Variants in PXDNL observed in about 807,000 individuals in gnomAD.
The protein encoded by PXDNL is peroxidasin like, also known as probable oxidoreductase PXDNL.
In PXDNL, 145 loss-of-function variants were observed where a neutral mutation model predicts 150.8. That is an observed-to-expected ratio of 0.96 (90% CI 0.84 to 1.10). The LOEUF is 1.10. PXDNL is among the 50% of genes least tolerant of loss of function. The probability of loss-of-function intolerance (pLI) is 0.00; values close to 1 mark genes in which losing one functional copy is unlikely to be tolerated. For missense variants in PXDNL, 2,087 were observed against 1,873.9 expected (o/e 1.11, Z -2.10); for synonymous variants, 757 against 725.7 (o/e 1.04, Z -0.69).
At chr8:51,442,724 A>G (rs1043518509) in intron 12 of PXDNL, among the ~76,000 whole-genome samples, 1 of 152,024 alleles carries the variant, frequency 6.6e-6, no homozygotes, top group Non-Finnish European at 1.5e-5. Flanking sequence ...AATACCACTA[A>G]TGTTTTTAAT....
At chr8:51,502,208 G>A (rs1811200329) in intron 4 of PXDNL, among the ~76,000 whole-genome samples, 1 of 152,210 alleles carries the variant, frequency 6.6e-6, no homozygotes. Flanking sequence ...GTGGTACAGA[G>A]ATAAAGTAAT....
intron 1 of PXDNL, among the ~76,000 whole-genome samples, chr8:51,671,195 A>G (rs188102057): frequency 6.6e-6 from 1 of 152,336 alleles, no homozygotes; most frequent in East Asian, 1.9e-4. Flanking sequence ...CTTATTTGGA[A>G]GAGATCGACA....
At chr8:51,430,515 G>A (rs1053639374) in intron 12 of PXDNL, among the ~76,000 whole-genome samples, 1 of 152,188 alleles carries the variant, frequency 6.6e-6, no homozygotes, top group African/African-American at 2.4e-5. Context: ...TCAGAACTCA[G>A]CAAGTTTGAA....
intron 2 of PXDNL, among the ~76,000 whole-genome samples, chr8:51,599,663 C>A (rs145324468): frequency 0.049 from 7,034 of 144,332 alleles, 265 homozygotes; most frequent in Non-Finnish European, 0.078. Flanking sequence ...TAAATTATAT[C>A]TTATATAAAT....
intron 17 of PXDNL, among the ~76,000 whole-genome samples, chr8:51,399,821 T>C (rs1211398850): frequency 6.6e-6 from 1 of 152,250 alleles, no homozygotes; most frequent in East Asian, 1.9e-4. Flanking sequence ...TTCAGATGTA[T>C]ACTCTGGTGG....
chr8:51,707,885 G>A (rs771394768), intron 1 of PXDNL, among the ~76,000 whole-genome samples: 14 of 151,976 alleles, frequency 9.2e-5, no homozygotes, highest in Admixed American at 2.0e-4. Flanking sequence ...AATAGTCCAC[G>A]TGTGTGTGTG....
chr8:51,460,509 T>G (rs750294657), intron 8 of PXDNL, among the ~76,000 whole-genome samples: 1 of 141,274 alleles, frequency 7.1e-6, no homozygotes, highest in African/African-American at 2.7e-5. Context: ...CCATCACACT[T>G]TAAACAGATC....
chr8:51,371,108 C>G (rs1439950164), intron 19 of PXDNL, among the ~76,000 whole-genome samples: 1 of 152,322 alleles, frequency 6.6e-6, no homozygotes, highest in Non-Finnish European at 1.5e-5. Context: ...ATGTGACAGA[C>G]ACCTGCTCAC....
chr8:51,441,311 T>G (rs1218213666), intron 12 of PXDNL, among the ~76,000 whole-genome samples: 1 of 152,336 alleles, frequency 6.6e-6, no homozygotes, highest in Middle Eastern at 3.4e-3. Flanking sequence ...CAGGTATTTC[T>G]TCATGGTAGC....
Position 51,371,979 on chromosome 8 carries a change from C to A in PXDNL, c.3795G>T (p.Gln1265His). The change falls in exon 19 of 23, where the codon CAG becomes CAT. Residue 1265 changes from glutamine to histidine, a missense_variant. Coordinates refer to ENST00000356297, the MANE Select transcript of PXDNL (RefSeq NM_144651.5). ...RVLCDNGDSIQQVQADVFVKA... is the reference protein window; with the variant it reads ...RVLCDNGDSIHQVQADVFVKA... ...TTACAAAGACATCAGCCTGCACTTGCTGAATGCTGTCACCATTGTCACAAA... is the reference window on the plus strand; with the variant it reads ...TTACAAAGACATCAGCCTGCACTTGATGAATGCTGTCACCATTGTCACAAA... 6.2e-7 allele frequency: 1 copy of A among 1,613,780 alleles called. No individual in the cohort carries two copies. The highest frequency in any genetic ancestry group is 1.1e-5 in the South Asian group (1 of 91,044).
At chr8:51,431,772 G>A (rs998797128) in intron 12 of PXDNL, among the ~76,000 whole-genome samples, 1 of 152,096 alleles carries the variant, frequency 6.6e-6, no homozygotes, top group Non-Finnish European at 1.5e-5. Flanking sequence ...TTAGGTCCAC[G>A]CTCAGAAACC....
chr8:51,779,171 T>C (rs1271429755), intron 1 of PXDNL, among the ~76,000 whole-genome samples: 1 of 152,230 alleles, frequency 6.6e-6, no homozygotes, highest in Non-Finnish European at 1.5e-5. Context: ...ATTTTATGTT[T>C]ATAGGTTGAT....
At chr8:51,424,337 G>A (rs1038139706) in intron 13 of PXDNL, among the ~76,000 whole-genome samples, 3 of 152,064 alleles carry the variant, frequency 2.0e-5, no homozygotes, top group African/African-American at 7.2e-5. Flanking sequence ...CCACTGTACT[G>A]TAGCCTGGGC....
At chr8:51,571,296 A>G (rs576064073) in intron 3 of PXDNL, among the ~76,000 whole-genome samples, 124 of 152,038 alleles carry the variant, frequency 8.2e-4, no homozygotes, top group African/African-American at 2.8e-3. Flanking sequence ...ATAAGGTATT[A>G]GATTATTGCC....
chr8:51,583,981 C>A (rs1813267193), intron 3 of PXDNL, among the ~76,000 whole-genome samples: 1 of 152,154 alleles, frequency 6.6e-6, no homozygotes, highest in Admixed American at 6.5e-5. Context: ...GGTTCCTCAA[C>A]TTGGCCTACA....
intron 1 of PXDNL, among the ~76,000 whole-genome samples, chr8:51,770,197 G>C (rs1281633711): frequency 6.6e-6 from 1 of 152,144 alleles, no homozygotes; most frequent in African/African-American, 2.4e-5. Flanking sequence ...TCCTCACTTA[G>C]CTGCCTTGTG....
intron 1 of PXDNL, among the ~76,000 whole-genome samples, chr8:51,661,049 C>T (rs975569601): frequency 1.3e-5 from 2 of 152,180 alleles, no homozygotes; most frequent in Admixed American, 1.3e-4. Flanking sequence ...GAGATTTTTC[C>T]ACACCTCTCC....
intron 4 of PXDNL, among the ~76,000 whole-genome samples, chr8:51,508,222 C>T (rs557170504): frequency 1.6e-4 from 25 of 152,298 alleles, no homozygotes; most frequent in African/African-American, 5.5e-4. Flanking sequence ...TCTCTTGTCA[C>T]AAGGAAAGCT....
At chr8:51,696,730 C>T (rs947433545) in intron 1 of PXDNL, among the ~76,000 whole-genome samples, 9 of 152,014 alleles carry the variant, frequency 5.9e-5, no homozygotes, top group South Asian at 4.2e-4. Flanking sequence ...CACATCCACA[C>T]ACAGGTCCAC....
Sources: gnomAD v4.1 joint callset for allele counts (sites outside exome capture counted in the v4.1 genomes callset) on GRCh38, gnomAD v4.1.1 for gene constraint, MANE v1.5 for transcripts, NCBI Gene and HGNC (gene_info 2026-07-23, HGNC 2026-07-21) for gene names.